Variants in COMMD10 observed in about 807,000 individuals in gnomAD.
The protein encoded by COMMD10 is COMM domain-containing protein 10.
COMMD10 carries 33 observed loss-of-function variants against 28.9 expected under a neutral mutation model. That is an observed-to-expected ratio of 1.14 (90% CI 0.87 to 1.53). COMMD10 has a LOEUF of 1.53. Ranked by LOEUF, COMMD10 falls within the 40% of genes most tolerant of loss-of-function variation. The pLI is 0.00. For synonymous variants in COMMD10, 110 were observed against 81.7 expected, an observed-to-expected ratio of 1.35 and a Z score of -1.87; for missense variants, 310 against 233.4, an observed-to-expected ratio of 1.33 and a Z score of -2.14.
chr5:116,269,422 A>G (rs803967), intron 5 of COMMD10, among the ~76,000 whole-genome samples: 76,253 of 151,518 alleles, frequency 0.5, 22,365 homozygotes, highest in Non-Finnish European at 0.66. Context: ...ATTTCTCCTT[A>G]TGACTTTCAC....
chr5:116,181,834 C>T (rs920861484), intron 5 of COMMD10, among the ~76,000 whole-genome samples: 1 of 152,058 alleles, frequency 6.6e-6, no homozygotes, highest in Non-Finnish European at 1.5e-5. Context: ...CTCAGCATTT[C>T]TTTAAACTTG....
At chr5:116,254,628 T>C (rs1750227316) in intron 5 of COMMD10, among the ~76,000 whole-genome samples, 1 of 151,832 alleles carries the variant, frequency 6.6e-6, no homozygotes, top group Non-Finnish European at 1.5e-5. Flanking sequence ...TTCTTAATCC[T>C]GAGTTCTAGT....
rs183369262 is a variant in COMMD10 at position 116,128,013 on chromosome 5, A to G, written c.400-6055A>G. 1.7e-3 allele frequency among the ~76,000 whole-genome samples: 265 copies of G among 152,198 alleles called. 1 individual carries two copies. The highest frequency in any genetic ancestry group is 6.0e-3 in the African/African-American group (248 of 41,544). On this transcript the variant is annotated intron_variant, in intron 4 of 6. Transcript: ENST00000274458. The stretch of plus-strand genomic sequence containing the variant: ...AAATTGTTTTGTGAAACCTTTGTGT[A>G]TGTGTGTCAGTTCGCAGCATAAAAA...
Position 116,262,548 on chromosome 5 carries a change from T to G in COMMD10, c.511-28969T>G, listed in dbSNP as rs572958422. ...ATTTTCTTAGAGTTGAAGATTGAAT[T>G]TAGGGCCAGTTTTTTCAAGTACATT... On this transcript the variant is annotated intron_variant, in intron 5 of 6. Coordinates refer to ENST00000274458, the MANE Select transcript of COMMD10 (RefSeq NM_016144.4). 4.0e-5 allele frequency among the ~76,000 whole-genome samples: 6 copies of G among 151,862 alleles called. No homozygotes were observed. The South Asian group carries it at 1.2e-3, about 32-fold the overall frequency.
intron 5 of COMMD10, among the ~76,000 whole-genome samples, chr5:116,169,001 G>A (rs1444734571): frequency 6.6e-6 from 1 of 151,916 alleles, no homozygotes; most frequent in African/African-American, 2.4e-5. Context: ...AAAGGAGATA[G>A]AGACATGAAA....
intron 5 of COMMD10, among the ~76,000 whole-genome samples, chr5:116,268,261 TCAAA>T (rs987109873): frequency 6.6e-5 from 10 of 151,154 alleles, no homozygotes; most frequent in South Asian, 4.2e-4. Flanking sequence ...AAGAAAAAAA[TCAAA>T]CAACTCCATC....
At chr5:116,175,061 T>G (rs905747006) in intron 5 of COMMD10, among the ~76,000 whole-genome samples, 3 of 152,198 alleles carry the variant, frequency 2.0e-5, no homozygotes, top group Non-Finnish European at 4.4e-5. Flanking sequence ...CTATTTCCTT[T>G]ACTTCCTGAA....
At chr5:116,089,685 G>A (rs1750234589) in intron 2 of COMMD10, among the ~76,000 whole-genome samples, 1 of 152,206 alleles carries the variant, frequency 6.6e-6, no homozygotes, top group African/African-American at 2.4e-5. Context: ...TCAGAGGTAG[G>A]GGAGTGGAGA....
At chr5:116,245,156 T>C (rs899496932) in intron 5 of COMMD10, among the ~76,000 whole-genome samples, 6 of 151,716 alleles carry the variant, frequency 4.0e-5, no homozygotes, top group Non-Finnish European at 8.8e-5. Context: ...CAATCAGAAA[T>C]GATAAGGGGC....
At position 116,292,470 on chromosome 5, in the gene COMMD10, A is replaced by G. The variant is rs751623825; in HGVS notation, c.590A>G (p.Gln197Arg). 3 of 1,574,812 alleles carry G rather than the reference A, an allele frequency of 1.9e-6. No homozygotes were observed. The highest frequency in any genetic ancestry group is 2.6e-6 in the Non-Finnish European group (3 of 1,160,768). ...FYNKLETIQAQLDSLT is the reference protein window; with the variant it reads ...FYNKLETIQARLDSLT ...AAATAGCTAGAGACTATACAAGCAC[A>G]GCTGGATTCCCTTACATGATGTTTT... Residue 197 changes from glutamine (Q) to arginine (R), a missense_variant, in exon 7 of 7, where the codon CAG (glutamine) becomes CGG (arginine). Gln to Arg is a conservative substitution (Grantham distance 43). Coordinates refer to ENST00000274458, the MANE Select transcript of COMMD10 (RefSeq NM_016144.4).
chr5:116,086,520 G>A (rs1337569108), intron 1 of COMMD10, among the ~76,000 whole-genome samples: 1 of 151,780 alleles, frequency 6.6e-6, no homozygotes. Flanking sequence ...GTGCAATGGC[G>A]CCATCTCGGC....
intron 4 of COMMD10, among the ~76,000 whole-genome samples, chr5:116,117,242 C>T (rs1412325252): frequency 2.6e-5 from 4 of 151,960 alleles, no homozygotes; most frequent in Non-Finnish European, 4.4e-5. Context: ...CATTTGTGTT[C>T]AAGTCATTTT....
rs1580592845 is a variant in COMMD10 at position 116,260,627 on chromosome 5, A to C, written c.511-30890A>C. ...CAAGATTTAGTAAAAACAGAGTATT[A>C]GGTGTTATAGTAATGGTCATGCAAA... On this transcript the variant is annotated intron_variant, in intron 5 of 6. Transcript: ENST00000274458. 3.3e-5 allele frequency among the ~76,000 whole-genome samples: 5 copies of C among 151,982 alleles called. No homozygotes were observed. In the East Asian group the frequency reaches 7.7e-4, roughly 23 times the overall value.
intron 5 of COMMD10, among the ~76,000 whole-genome samples, chr5:116,228,594 AC>A (rs202052600): frequency 6.6e-6 from 1 of 151,944 alleles, no homozygotes; most frequent in African/African-American, 2.4e-5. Flanking sequence ...TTTCAGTTAA[AC>A]CTGAAGAAAT....
At chr5:116,186,805 T>C (rs1748153092) in intron 5 of COMMD10, among the ~76,000 whole-genome samples, 2 of 152,174 alleles carry the variant, frequency 1.3e-5, no homozygotes, top group African/African-American at 4.8e-5. Context: ...TTGGAGTTTC[T>C]CTTCCTTAGC....
chr5:116,192,716 AT>A (rs2112614132), intron 5 of COMMD10, among the ~76,000 whole-genome samples: 1 of 152,332 alleles, frequency 6.6e-6, no homozygotes, highest in South Asian at 2.1e-4. Flanking sequence ...GGAAGAAGAG[AT>A]TTCTACAAGC....
At chr5:116,146,956 C>A (rs1752370011) in intron 5 of COMMD10, among the ~76,000 whole-genome samples, 1 of 151,778 alleles carries the variant, frequency 6.6e-6, no homozygotes, top group Admixed American at 6.6e-5. Context: ...TTCAGAAATG[C>A]CATGTCCATA....
intron 3 of COMMD10, 38 bp from the exon 4 acceptor site, chr5:116,092,507 A>T: frequency 6.8e-7 from 1 of 1,467,712 alleles, no homozygotes; most frequent in Non-Finnish European, 9.2e-7. Context: ...CAGTATGAAG[A>T]TGAGGGACAT....
At chr5:116,101,417 T>TTTTA (rs1554082675) in intron 4 of COMMD10, among the ~76,000 whole-genome samples, 118 of 151,944 alleles carry the variant, frequency 7.8e-4, no homozygotes, top group Middle Eastern at 3.4e-3. Flanking sequence ...CTTTTTTATT[T>TTTTA]TTTATTTATT....
Sources: gnomAD v4.1 joint callset for allele counts (sites outside exome capture counted in the v4.1 genomes callset) on GRCh38, gnomAD v4.1.1 for gene constraint, MANE v1.5 for transcripts, NCBI Gene and HGNC (gene_info 2026-07-23, HGNC 2026-07-21) for gene names.